The following ERBB4 variants were observed in gnomAD, a reference collection of about 807,000 sequenced individuals.
The protein encoded by ERBB4 is erb-b2 receptor tyrosine kinase 4.
In ERBB4, 42 loss-of-function variants were observed where a neutral mutation model predicts 158.0. The ratio of observed to expected loss-of-function variants is 0.27; its 90% CI spans 0.21 to 0.34. The LOEUF (loss-of-function observed/expected upper bound fraction) is 0.34, where lower values mean the gene tolerates loss of function less well. ERBB4 is among the 10% of genes least tolerant of loss of function. ERBB4 has a pLI of 1.00. For missense variants in ERBB4, 1,333 were observed against 1,624.1 expected (o/e 0.82, Z 3.08); for synonymous variants, 583 against 558.7 (o/e 1.04, Z -0.61).
At chr2:211,648,111 T>C (rs1344015911) in intron 16 of ERBB4, among the ~76,000 whole-genome samples, 1 of 151,906 alleles carries the variant, frequency 6.6e-6, no homozygotes, top group Non-Finnish European at 1.5e-5. Context: ...TATTTGCCTA[T>C]GCAAAATCTT....
chr2:212,251,509 A>G (rs1303790597), intron 1 of ERBB4, among the ~76,000 whole-genome samples: 1 of 151,940 alleles, frequency 6.6e-6, no homozygotes, highest in Non-Finnish European at 1.5e-5. Flanking sequence ...AAAAAATAAA[A>G]AGCAAAAATG....
chr2:211,414,295 C>G (rs1014666331), intron 25 of ERBB4, among the ~76,000 whole-genome samples: 4 of 151,784 alleles, frequency 2.6e-5, no homozygotes, highest in Non-Finnish European at 4.4e-5. Flanking sequence ...GTCAGAAATT[C>G]GAGACCAGCC....
At chr2:212,070,777 G>A (rs758988956) in intron 2 of ERBB4, among the ~76,000 whole-genome samples, 47 of 151,880 alleles carry the variant, frequency 3.1e-4, no homozygotes, top group Admixed American at 5.9e-4. Context: ...TTTGGGTGAA[G>A]CTTTGGTTTC....
chr2:211,402,882 G>GTAGT (rs2063073961), intron 25 of ERBB4, among the ~76,000 whole-genome samples: 3 of 151,960 alleles, frequency 2.0e-5, no homozygotes, highest in African/African-American at 7.2e-5. Flanking sequence ...TTTGAAACTA[G>GTAGT]TAGTTAATTC....
chr2:212,478,775 C>T (rs1002925783), intron 1 of ERBB4, among the ~76,000 whole-genome samples: 6 of 152,024 alleles, frequency 3.9e-5, no homozygotes, highest in Admixed American at 3.3e-4. Flanking sequence ...TGGATAAGGT[C>T]ACCAGTTTCT....
chr2:211,676,427 T>A (rs1411413703), intron 13 of ERBB4, among the ~76,000 whole-genome samples: 1 of 152,238 alleles, frequency 6.6e-6, no homozygotes, highest in African/African-American at 2.4e-5. Context: ...AGGAAACCTG[T>A]ATTTTTCTTT....
intron 12 of ERBB4, among the ~76,000 whole-genome samples, chr2:211,692,282 C>A (rs962994337): frequency 1.3e-5 from 2 of 152,140 alleles, no homozygotes; most frequent in Non-Finnish European, 2.9e-5. Flanking sequence ...ACCCCTGGAT[C>A]CAATTGTGTC....
chr2:212,388,235 G>A (rs1363684479), intron 1 of ERBB4, among the ~76,000 whole-genome samples: 1 of 152,088 alleles, frequency 6.6e-6, no homozygotes, highest in African/African-American at 2.4e-5. Context: ...AGTTCAGTTG[G>A]AAGTAGCTGT....
rs867979942 is a variant in ERBB4, at chr2:211,542,150, T to C, written c.2487+19753A>G. Among the ~76,000 whole-genome samples the C allele has an allele frequency of 5.9e-5, 9 of 152,144 alleles. No homozygotes were observed. The East Asian group carries it at 1.5e-3, about 26-fold the overall frequency. The stretch of plus-strand genomic sequence containing the variant: ...ATTACTTTCACCTCAAGAAGGGAGA[T>C]TGGCTTACATTTATAGAACATATAA... On this transcript the variant is annotated intron_variant, in intron 20 of 27. Transcript: ENST00000342788.
At chr2:211,896,929 T>C (rs2079112289) in intron 3 of ERBB4, among the ~76,000 whole-genome samples, 1 of 151,972 alleles carries the variant, frequency 6.6e-6, no homozygotes. Flanking sequence ...GTCAAATTTT[T>C]GGCTCGGTCA....
At chr2:211,907,853 TA>T (rs2079437415) in intron 3 of ERBB4, among the ~76,000 whole-genome samples, 1 of 151,694 alleles carries the variant, frequency 6.6e-6, no homozygotes, top group Non-Finnish European at 1.5e-5. Flanking sequence ...GATAGGTATT[TA>T]AGTTTGGGAG....
chr2:212,026,469 G>A (rs138043640), intron 2 of ERBB4, among the ~76,000 whole-genome samples: 249 of 151,800 alleles, frequency 1.6e-3, no homozygotes, highest in African/African-American at 5.5e-3. Context: ...GAACAAATTC[G>A]TCACTCAAAA....
chr2:211,458,332 T>G (rs1276369520), intron 20 of ERBB4, among the ~76,000 whole-genome samples: 5 of 151,876 alleles, frequency 3.3e-5, no homozygotes, highest in African/African-American at 1.2e-4. Context: ...AGTGGTGTGA[T>G]CTCAGCTCAC....
In ERBB4 at chr2:211,378,147, G is replaced by T. The variant is rs1466803407; in HGVS notation, c.*5468C>A. On this transcript the variant is annotated 3_prime_UTR_variant, in exon 28 of 28. Coordinates refer to ENST00000342788, the MANE Select transcript of ERBB4 (RefSeq NM_005235.3). ...TTGTGTCAATGGGCAAAAAAGGGAAGGATTCTATTTTCCTCTAAAGGTCAG... is the reference window on the plus strand; with the variant it reads ...TTGTGTCAATGGGCAAAAAAGGGAATGATTCTATTTTCCTCTAAAGGTCAG... 2 of 232,908 alleles carry T rather than the reference G, an allele frequency of 8.6e-6. No homozygotes were observed. The highest frequency in any genetic ancestry group is 1.1e-4 in the Admixed American group (2 of 17,720). The allele number at this position is 232,908 out of a possible 1,614,324, so 14.4% of individuals were successfully genotyped here. A position where few individuals can be genotyped will look rare whatever the true frequency, so the allele number is the denominator to read the frequency against.
chr2:211,883,443 T>A (rs189991011), intron 3 of ERBB4, among the ~76,000 whole-genome samples: 1 of 151,934 alleles, frequency 6.6e-6, no homozygotes, highest in African/African-American at 2.4e-5. Context: ...ACTTAAAGTA[T>A]AATAAAAAAT....
chr2:212,043,980 G>A (rs540787756), intron 2 of ERBB4, among the ~76,000 whole-genome samples: 20 of 151,852 alleles, frequency 1.3e-4, no homozygotes, highest in Non-Finnish European at 2.5e-4. Context: ...TATGTTCTTT[G>A]GAAAACACGT....
chr2:211,657,912 CTTGGAG>C (rs761200716), intron 15 of ERBB4, 84 bp from the exon 16 acceptor site: 1 of 1,604,450 alleles, frequency 6.2e-7, no homozygotes, highest in African/African-American at 1.3e-5. Flanking sequence ...CACATGGAGC[CTTGGAG>C]GAAGAACATG....
At chr2:212,277,151 A>G (rs1166479256) in intron 1 of ERBB4, among the ~76,000 whole-genome samples, 1 of 151,792 alleles carries the variant, frequency 6.6e-6, no homozygotes, top group African/African-American at 2.4e-5. Context: ...ATTAGAAATA[A>G]GTTGACAGAG....
intron 4 of ERBB4, among the ~76,000 whole-genome samples, chr2:211,773,748 A>T (rs1227153864): frequency 6.7e-6 from 1 of 148,820 alleles, no homozygotes; most frequent in Non-Finnish European, 1.5e-5. Context: ...ATATATATAC[A>T]TATATCATAT....
Sources: allele counts gnomAD v4.1 joint callset (sites outside exome capture counted in the v4.1 genomes callset), GRCh38; gene constraint gnomAD v4.1.1; transcripts MANE v1.5; gene names NCBI Gene and HGNC (gene_info 2026-07-23, HGNC 2026-07-21).